USH2A: variants seen among roughly 807,000 people sequenced by gnomAD.
The protein encoded by USH2A is usherin, also known as Usher syndrome 2A (autosomal recessive, mild).
Under a neutral mutation model 538.9 loss-of-function variants are expected in USH2A, and 443 were observed. That is an observed-to-expected ratio of 0.82 (90% CI 0.76 to 0.89). The LOEUF (loss-of-function observed/expected upper bound fraction) is 0.89. USH2A is among the 40% of genes least tolerant of loss of function. The pLI is 0.00. For missense variants in USH2A, 6,633 were observed against 6,324.8 expected (o/e 1.05, Z -1.65); for synonymous variants, 2,413 against 2,273.5 (o/e 1.06, Z -1.75).
At chr1:216,267,650 C>T (rs1166518609) in intron 11 of USH2A, among the ~76,000 whole-genome samples, 1 of 152,128 alleles carries the variant, frequency 6.6e-6, no homozygotes, top group Non-Finnish European at 1.5e-5. Context: ...TTTGTCAATA[C>T]TGAGCTCCTC....
intron 61 of USH2A, among the ~76,000 whole-genome samples, chr1:215,700,595 A>T (rs1658976113): frequency 6.6e-6 from 1 of 152,160 alleles, no homozygotes; most frequent in African/African-American, 2.4e-5. Flanking sequence ...TTATTTATGT[A>T]AAGGTGTTTA....
intron 61 of USH2A, among the ~76,000 whole-genome samples, chr1:215,698,836 C>A (rs1658904902): frequency 6.6e-6 from 1 of 152,162 alleles, no homozygotes; most frequent in South Asian, 2.1e-4. Context: ...AATCAGATCC[C>A]ATTTGTCAAT....
chr1:215,833,858 C>T (rs1319397882), intron 47 of USH2A, among the ~76,000 whole-genome samples: 2 of 151,688 alleles, frequency 1.3e-5, no homozygotes. Flanking sequence ...AATAAGAAAA[C>T]AAAGAATCTA....
In USH2A at chr1:216,331,145, C is replaced by T. The variant is rs550977718; in HGVS notation, c.785-3491G>A. 1.2e-4 allele frequency among the ~76,000 whole-genome samples: 19 copies of T among 152,138 alleles called. No individual in the cohort carries two copies. In the South Asian group the frequency reaches 3.1e-3, roughly 25 times the overall value. ...AGACCTAGAGTTAATGTGAATCATC[C>T]ATCCCAAATAAAAGAATTATGATTT... On this transcript the variant is annotated intron_variant, in intron 4 of 71. Transcript: ENST00000307340.
intron 32 of USH2A, among the ~76,000 whole-genome samples, chr1:216,031,328 C>CA (rs1669117162): frequency 6.6e-6 from 1 of 152,088 alleles, no homozygotes; most frequent in South Asian, 2.1e-4. Context: ...TAATGGAAAT[C>CA]TGCACCAAGG....
intron 61 of USH2A, among the ~76,000 whole-genome samples, chr1:215,719,776 C>T (rs1659597956): frequency 6.6e-6 from 1 of 152,102 alleles, no homozygotes; most frequent in Non-Finnish European, 1.5e-5. Context: ...AGAATGAGGA[C>T]AGATGAATTA....
chr1:215,972,347 T>A (rs1016141229), intron 35 of USH2A, among the ~76,000 whole-genome samples: 1 of 152,178 alleles, frequency 6.6e-6, no homozygotes, highest in Non-Finnish European at 1.5e-5. Context: ...TCTTCGGTAG[T>A]GGAATGTTGT....
intron 3 of USH2A, among the ~76,000 whole-genome samples, chr1:216,366,130 T>A (rs1169134925): frequency 6.6e-6 from 1 of 152,018 alleles, no homozygotes; most frequent in Non-Finnish European, 1.5e-5. Context: ...AAAGGAATAA[T>A]TGGTACTCTA....
chr1:215,745,374 G>A (rs534209453), intron 58 of USH2A, among the ~76,000 whole-genome samples: 1 of 152,122 alleles, frequency 6.6e-6, no homozygotes, highest in Non-Finnish European at 1.5e-5. Context: ...AAGACATAGG[G>A]AAACCAGTTT....
At chr1:216,353,996 G>A (rs2038334783) in intron 4 of USH2A, among the ~76,000 whole-genome samples, 1 of 152,094 alleles carries the variant, frequency 6.6e-6, no homozygotes, top group African/African-American at 2.4e-5. Context: ...AGAGGATTCA[G>A]GCATAGAAGG....
chr1:216,084,138 A>G (rs1050111345), intron 25 of USH2A, among the ~76,000 whole-genome samples: 2 of 151,640 alleles, frequency 1.3e-5, no homozygotes, highest in Non-Finnish European at 2.9e-5. Context: ...TCAGGCAGAG[A>G]CTCAATGTGC....
rs577254571 is a variant in USH2A at position 216,148,215 on chromosome 1, C to T, written c.4627+27037G>A. 3.8e-3 allele frequency among the ~76,000 whole-genome samples: 574 copies of T among 151,800 alleles called. 2 individuals carry two copies. The highest frequency in any genetic ancestry group is 0.01 in the Middle Eastern group (3 of 294). ...GGTATTGATGGCCAGGCTTCTAAAC[C>T]TCTTAAAACTCCCCAACTCTGGTGC... is the stretch of plus-strand genomic sequence containing the variant. On this transcript the variant is annotated intron_variant, in intron 21 of 71. Transcript: ENST00000307340.
chr1:215,879,001 G>A lies in USH2A; in HGVS notation c.8321C>T (p.Ala2774Val). 6.2e-7 allele frequency: 1 copy of A among 1,614,008 alleles called. No individual in the cohort carries two copies. Among genetic ancestry groups the A allele is most frequent in the African/African-American group, 1.3e-5 (1 of 75,040 alleles). The change falls in exon 42 of 72, where the codon GCA becomes GTA. Residue 2774 changes from alanine (A) to valine (V), a missense_variant. Transcript: ENST00000307340. ...ATGAGTAACTTTTTGACTTAACACT[G>A]CGGAAGTCACATTGGTTAAAGTGAT... ...PHITLTNVTS[A>V]VLSQKVTHLI... is the part of the protein sequence containing the mutation.
At chr1:215,840,538 T>C (rs1663650054) in intron 46 of USH2A, among the ~76,000 whole-genome samples, 1 of 152,214 alleles carries the variant, frequency 6.6e-6, no homozygotes, top group African/African-American at 2.4e-5. Flanking sequence ...CTCCTCAGGC[T>C]ACCAGAAGAG....
chr1:216,335,956 T>G (rs566002826), intron 4 of USH2A, among the ~76,000 whole-genome samples: 105 of 151,356 alleles, frequency 6.9e-4, no homozygotes, highest in Non-Finnish European at 1.3e-3. Context: ...ACCAAAAACA[T>G]CAAAGACATC....
chr1:216,054,611 G>GA (rs1238312625), intron 30 of USH2A, among the ~76,000 whole-genome samples: 3 of 152,000 alleles, frequency 2.0e-5, no homozygotes, highest in African/African-American at 7.2e-5. Context: ...TTTCAGAGAA[G>GA]AAAAAAGGAC....
At chr1:216,253,973 A>G (rs1386971526) in intron 11 of USH2A, among the ~76,000 whole-genome samples, 1 of 152,064 alleles carries the variant, frequency 6.6e-6, no homozygotes, top group Non-Finnish European at 1.5e-5. Flanking sequence ...TTTTTTCTAT[A>G]CACCTGACTT....
Position 215,878,767 on chromosome 1 carries a change from A to G in USH2A, c.8555T>C (p.Leu2852Ser), listed in dbSNP as rs1664835307. Residue 2852 changes from leucine (L) to serine (S), a missense_variant, in exon 42 of 72, where the codon TTG becomes TCG. By Grantham distance (145) the Leu-to-Ser change is moderately radical. Coordinates refer to ENST00000307340, the MANE Select transcript of USH2A (RefSeq NM_206933.4). ...AATCATAGTCACCTTCTCTTACCTC[A>G]AATTAGGTCCATTTGGCTTGGATGG... is the stretch of plus-strand genomic sequence containing the variant. Reference protein sequence around the residue: ...QPPSKPNGPNLRYELLRRKIQ... With the variant: ...QPPSKPNGPNSRYELLRRKIQ... 2 of 1,613,842 alleles carry G rather than the reference A, an allele frequency of 1.2e-6. No individual in the cohort carries two copies. Among genetic ancestry groups the G allele is most frequent in the South Asian group, 2.2e-5 (2 of 91,056 alleles).
intron 61 of USH2A, among the ~76,000 whole-genome samples, chr1:215,688,665 C>T (rs975825534): frequency 4.6e-5 from 7 of 152,056 alleles, no homozygotes; most frequent in South Asian, 2.1e-4. Flanking sequence ...GATGTGTTTC[C>T]GTGTCATCTT....
Sources: gnomAD v4.1 joint callset for allele counts (sites outside exome capture counted in the v4.1 genomes callset) on GRCh38, gnomAD v4.1.1 for gene constraint, MANE v1.5 for transcripts, NCBI Gene and HGNC (gene_info 2026-07-23, HGNC 2026-07-21) for gene names.